WDR59: variants seen among roughly 807,000 people sequenced by gnomAD.
WDR59 encodes GATOR2 complex protein WDR59.
A neutral mutation model predicts 131.2 loss-of-function variants in WDR59; 100 were observed. The observed-to-expected ratio is 0.76, with a 90% confidence interval of 0.65 to 0.90. The LOEUF (loss-of-function observed/expected upper bound fraction) is 0.90. Ranked by LOEUF, WDR59 falls within the 40% of genes least tolerant of loss-of-function variation. The pLI is 0.00. For missense variants in WDR59, 1,203 were observed against 1,262.2 expected (o/e 0.95, Z 0.71); for synonymous variants, 601 against 466.2 (o/e 1.29, Z -3.72).
intron 18 of WDR59, among the ~76,000 whole-genome samples, chr16:74,898,752 G>A (rs141404510): frequency 1.3e-5 from 2 of 152,332 alleles, no homozygotes; most frequent in East Asian, 1.9e-4. Context: ...TGCATAATCC[G>A]CAGAGCGGGC....
chr16:74,924,101 A>T, intron 8 of WDR59, 98 bp from the exon 9 acceptor site: 1 of 1,171,806 alleles, frequency 8.5e-7, no homozygotes, highest in South Asian at 1.3e-5. Context: ...CTGGTCCTCT[A>T]AAGATACACT....
intron 25 of WDR59, 107 bp downstream of exon 25, chr16:74,885,546 G>T: frequency 1.5e-6 from 2 of 1,342,338 alleles, no homozygotes; most frequent in Non-Finnish European, 2.0e-6. Flanking sequence ...AGAAATTTCT[G>T]CTTAGAAATG....
At chr16:74,970,443 C>G (rs1346250555) in intron 1 of WDR59, among the ~76,000 whole-genome samples, 3 of 143,840 alleles carry the variant, frequency 2.1e-5, no homozygotes, top group African/African-American at 5.1e-5. Context: ...TTGCAGTGAG[C>G]CAAGATGCGC....
intron 18 of WDR59, among the ~76,000 whole-genome samples, chr16:74,897,269 G>A (rs1178142278): frequency 2.0e-5 from 3 of 152,220 alleles, no homozygotes; most frequent in African/African-American, 7.2e-5. Context: ...GGGCAGGCCA[G>A]ATTCAGACCA....
intron 2 of WDR59, among the ~76,000 whole-genome samples, chr16:74,964,427 T>C (rs574538245): frequency 6.6e-6 from 1 of 151,036 alleles, no homozygotes; most frequent in African/African-American, 2.4e-5. Flanking sequence ...AGATACCAAC[T>C]TTCCCTTATC....
chr16:74,885,667 G>C lies in WDR59; in HGVS notation c.2675C>G (p.Pro892Arg), dbSNP rs768390298. 1.2e-6 allele frequency: 2 copies of C among 1,613,846 alleles called. No homozygotes were observed. The highest frequency in any genetic ancestry group is 1.7e-6 in the Non-Finnish European group (2 of 1,179,970). Residue 892 changes from proline (P) to arginine (R), a missense_variant, in exon 25 of 26, where the codon CCT (proline) becomes CGT (arginine). Coordinates refer to ENST00000262144, the MANE Select transcript of WDR59 (RefSeq NM_030581.4). ...TTCATACTCACCGATCCCTTTGTGA[G>C]GGTCAGGAGGACAGGAGACAAACTT... ...VLKFVSCPPDPHKGIEFGVYC... is the reference protein window; with the variant it reads ...VLKFVSCPPDRHKGIEFGVYC...
chr16:74,905,979 G>T (rs576473502), intron 17 of WDR59, among the ~76,000 whole-genome samples: 1 of 151,964 alleles, frequency 6.6e-6, no homozygotes, highest in South Asian at 2.1e-4. Flanking sequence ...CACAGAAGCT[G>T]CTCGACATCA....
chr16:74,969,421 T>C (rs868849689), intron 1 of WDR59, among the ~76,000 whole-genome samples: 6 of 151,814 alleles, frequency 4.0e-5, no homozygotes, highest in Middle Eastern at 3.2e-3. Context: ...TACAGGTGCA[T>C]GCCACTACGC....
intron 21 of WDR59, 50 bp downstream of exon 21, chr16:74,889,653 C>A: frequency 6.7e-7 from 1 of 1,498,346 alleles, no homozygotes; most frequent in Non-Finnish European, 9.2e-7. Flanking sequence ...TGTTTACAGA[C>A]CAAAAATGGA....
intron 9 of WDR59, among the ~76,000 whole-genome samples, chr16:74,923,099 A>C (rs1288217545): frequency 1.3e-5 from 2 of 152,208 alleles, no homozygotes; most frequent in Non-Finnish European, 2.9e-5. Context: ...TTTCAAAAGA[A>C]AGTCAGCTTG....
intron 1 of WDR59, among the ~76,000 whole-genome samples, chr16:74,969,572 G>GT (rs539293401): frequency 2.2e-5 from 3 of 135,210 alleles, no homozygotes; most frequent in East Asian, 2.2e-4. Context: ...CACCCGGCCT[G>GT]TTTTTTTGTT....
intron 21 of WDR59, 156 bp downstream of exon 21, chr16:74,889,547 G>A (rs1279508598): frequency 1.6e-6 from 1 of 615,630 alleles, no homozygotes; most frequent in South Asian, 2.0e-5. Context: ...AGTTTGTTCT[G>A]CACAGAAATT....
chr16:74,980,828 C>A (rs11640906), intron 1 of WDR59, among the ~76,000 whole-genome samples: 7 of 151,744 alleles, frequency 4.6e-5, no homozygotes, highest in Non-Finnish European at 8.8e-5. Context: ...AAAATTAGCC[C>A]GGTGTGGTGG....
At chr16:74,908,468 A>C (rs769447633) in intron 17 of WDR59, among the ~76,000 whole-genome samples, 1 of 152,208 alleles carries the variant, frequency 6.6e-6, no homozygotes, top group Admixed American at 6.5e-5. Context: ...ACAATGTACT[A>C]CTTATGGAAT....
chr16:74,919,992 G>A (rs1363213838), intron 10 of WDR59, among the ~76,000 whole-genome samples: 1 of 151,662 alleles, frequency 6.6e-6, no homozygotes, highest in Non-Finnish European at 1.5e-5. Context: ...CACTGCTCGA[G>A]CCCAGGAGGT....
rs1031387093 is a variant in WDR59, at chr16:74,872,503, T to G, written c.*1706A>C. 6.7e-6 allele frequency: 1 copy of G among 150,034 alleles called. No individual in the cohort carries two copies. The highest frequency in any genetic ancestry group is 1.5e-5 in the Non-Finnish European group (1 of 67,782). 9.3% of individuals were successfully genotyped at this position (150,034 alleles called of 1,614,324 possible). A position where few individuals can be genotyped will look rare whatever the true frequency, so the allele number is the denominator to read the frequency against. On this transcript the variant is annotated 3_prime_UTR_variant, in exon 26 of 26. Transcript: ENST00000262144. ...TGAGCTCAGGTGATAGAGGCTACAG[T>G]GAGCTATGATTGCATCACCACTCTC... is the stretch of plus-strand genomic sequence containing the variant.
chr16:74,950,397 ATAAAG>A (rs779741945), intron 4 of WDR59, among the ~76,000 whole-genome samples: 5 of 152,266 alleles, frequency 3.3e-5, no homozygotes, highest in Non-Finnish European at 7.3e-5. Context: ...GGAAAAACAC[ATAAAG>A]TAATCTTTAT....
chr16:74,900,270 T>C (rs374033641), intron 18 of WDR59, among the ~76,000 whole-genome samples: 4 of 152,118 alleles, frequency 2.6e-5, no homozygotes, highest in East Asian at 1.9e-4. Context: ...TGTCTTGACA[T>C]TGGGCCTGCA....
rs143548103 is a variant in WDR59, at chr16:74,910,553, G to A, written c.1390-636C>T. Among the ~76,000 whole-genome samples, 373 of 152,248 alleles carry A rather than the reference G, an allele frequency of 2.4e-3. 2 individuals carry two copies. Among genetic ancestry groups the A allele is most frequent in the African/African-American group, 8.5e-3 (355 of 41,538 alleles). ...CAACACCACTTGCTCCATGAGAAACGTCAGTACCTTAGAAGTAATACTCAC... is the reference window on the plus strand; with the variant it reads ...CAACACCACTTGCTCCATGAGAAACATCAGTACCTTAGAAGTAATACTCAC... On this transcript the variant is annotated intron_variant, in intron 14 of 25. Coordinates refer to ENST00000262144, the MANE Select transcript of WDR59 (RefSeq NM_030581.4).
Sources: gnomAD v4.1 joint callset for allele counts (sites outside exome capture counted in the v4.1 genomes callset) on GRCh38, gnomAD v4.1.1 for gene constraint, MANE v1.5 for transcripts, NCBI Gene and HGNC (gene_info 2026-07-23, HGNC 2026-07-21) for gene names.